Variants in TYW1B observed in about 807,000 individuals in gnomAD.
TYW1B encodes S-adenosyl-L-methionine-dependent tRNA 4-demethylwyosine synthase TYW1B.
A neutral mutation model predicts 86.9 loss-of-function variants in TYW1B; 73 were observed. The observed-to-expected ratio is 0.84, with a 90% confidence interval of 0.70 to 1.02. The LOEUF (loss-of-function observed/expected upper bound fraction) is 1.02. TYW1B is among the 50% of genes least tolerant of loss of function. The pLI is 0.00. For synonymous variants in TYW1B, 248 were observed against 292.8 expected (o/e 0.85, Z 1.56); for missense variants, 637 against 827.4 (o/e 0.77, Z 2.82).
chr7:72,824,153 G>A (rs1482711689), intron 2 of TYW1B, among the ~76,000 whole-genome samples: 1 of 152,024 alleles, frequency 6.6e-6, no homozygotes, highest in Admixed American at 6.6e-5. Flanking sequence ...CTGCACTCAA[G>A]TAGTGAAAAC....
intron 11 of TYW1B, among the ~76,000 whole-genome samples, chr7:72,640,676 T>C (rs1273923438): frequency 5.3e-5 from 8 of 152,228 alleles, no homozygotes; most frequent in Non-Finnish European, 1.2e-4. Flanking sequence ...AGCATCAATA[T>C]GAAGTAACAA....
chr7:72,806,020 G>C (rs549848596), intron 5 of TYW1B, among the ~76,000 whole-genome samples: 1 of 152,016 alleles, frequency 6.6e-6, no homozygotes, highest in Non-Finnish European at 1.5e-5. Flanking sequence ...GGGAAAAAGC[G>C]GAATCTAGGA....
chr7:72,758,522 T>C (rs191276385), intron 7 of TYW1B, among the ~76,000 whole-genome samples: 8 of 152,206 alleles, frequency 5.3e-5, no homozygotes, highest in Non-Finnish European at 7.4e-5. Context: ...GTGTCAGAAA[T>C]GGGACCTGAA....
At chr7:72,710,059 C>G (rs35808409) in intron 10 of TYW1B, among the ~76,000 whole-genome samples, 18 of 152,176 alleles carry the variant, frequency 1.2e-4, no homozygotes, top group Non-Finnish European at 2.5e-4. Context: ...CGGCATTTTG[C>G]TGGACGTTTT....
At chr7:72,581,250 C>T (rs1219674944) in intron 13 of TYW1B, among the ~76,000 whole-genome samples, 1 of 135,974 alleles carries the variant, frequency 7.4e-6, no homozygotes, top group African/African-American at 2.8e-5. Flanking sequence ...GAGAGCAGGG[C>T]TGCCATAATA....
At position 72,647,877 on chromosome 7, in the gene TYW1B, T is replaced by C. The variant is rs1442962790; in HGVS notation, c.1507-18880A>G. Among the ~76,000 whole-genome samples the C allele has an allele frequency of 5.3e-5, 8 of 152,006 alleles. No individual in the cohort carries two copies. In the East Asian group the frequency reaches 1.6e-3, roughly 29 times the overall value. ...TTTTTTTTGTATTTTTTAGTAGAGA[T>C]GTTTCGCTATGTTGCCCAGGCTTGT... On this transcript the variant is annotated intron_variant, in intron 11 of 13. Transcript: ENST00000620995.
At chr7:72,611,867 G>A (rs1261333518) in intron 13 of TYW1B, among the ~76,000 whole-genome samples, 3 of 152,228 alleles carry the variant, frequency 2.0e-5, no homozygotes, top group East Asian at 3.9e-4. Flanking sequence ...ATTTTCAGTC[G>A]TTTTCCCCAC....
At chr7:72,715,036 C>A (rs1786752162) in intron 9 of TYW1B, among the ~76,000 whole-genome samples, 1 of 152,144 alleles carries the variant, frequency 6.6e-6, no homozygotes, top group Admixed American at 6.6e-5. Context: ...TTATGTATAG[C>A]CAAGGCTAAA....
At chr7:72,733,724 C>T (rs1484230983) in intron 8 of TYW1B, among the ~76,000 whole-genome samples, 2 of 152,062 alleles carry the variant, frequency 1.3e-5, no homozygotes, top group Non-Finnish European at 2.9e-5. Flanking sequence ...GAAGAGAGCA[C>T]ACACACAAAA....
intron 13 of TYW1B, among the ~76,000 whole-genome samples, chr7:72,595,967 G>A (rs531808077): frequency 3.7e-4 from 56 of 151,954 alleles, no homozygotes; most frequent in African/African-American, 1.3e-3. Flanking sequence ...CCTAAGGTCA[G>A]GAGTTCGAGA....
chr7:72,679,593 G>A (rs1249666066), intron 11 of TYW1B, among the ~76,000 whole-genome samples: 4 of 152,306 alleles, frequency 2.6e-5, no homozygotes, highest in South Asian at 2.1e-4. Context: ...ACAATGGGGA[G>A]ATGAAACAGC....
chr7:72,822,798 C>T (rs1392002461), intron 2 of TYW1B: 1 of 152,224 alleles, frequency 6.6e-6, no homozygotes, highest in African/African-American at 2.4e-5. Flanking sequence ...CAAGACCAGC[C>T]TGGGCAACAT....
chr7:72,812,105 G>A (rs1278446012), intron 3 of TYW1B, among the ~76,000 whole-genome samples: 1 of 150,000 alleles, frequency 6.7e-6, no homozygotes, highest in Non-Finnish European at 1.5e-5. Flanking sequence ...TATCCAGAAT[G>A]TTTGGGATGG....
At chr7:72,714,983 C>A (rs1585924189) in intron 9 of TYW1B, among the ~76,000 whole-genome samples, 1 of 152,282 alleles carries the variant, frequency 6.6e-6, no homozygotes, top group East Asian at 1.9e-4. Context: ...AGAGTGGGTG[C>A]AAGGCTGGGC....
intron 7 of TYW1B, among the ~76,000 whole-genome samples, chr7:72,766,934 TA>T (rs1787781365): frequency 6.6e-6 from 1 of 151,638 alleles, no homozygotes. Context: ...CTCAAAAAAA[TA>T]AATAAATAAA....
chr7:72,699,619 C>T (rs1488794903), intron 10 of TYW1B, among the ~76,000 whole-genome samples: 5 of 151,750 alleles, frequency 3.3e-5, no homozygotes, highest in Non-Finnish European at 7.4e-5. Context: ...TAGAATCTGA[C>T]TTACAAAGCT....
chr7:72,763,750 CA>C (rs1463588003), intron 7 of TYW1B, among the ~76,000 whole-genome samples: 1 of 152,120 alleles, frequency 6.6e-6, no homozygotes, highest in Non-Finnish European at 1.5e-5. Context: ...AATCAAAATC[CA>C]AAATTGTTTC....
intron 8 of TYW1B, among the ~76,000 whole-genome samples, chr7:72,733,675 G>GA (rs1343800538): frequency 7.9e-5 from 12 of 151,194 alleles, no homozygotes; most frequent in Admixed American, 7.9e-4. Flanking sequence ...AAATAAGAAA[G>GA]AAAAAAAAGA....
chr7:72,774,282 T>G (rs1468108414), intron 7 of TYW1B, among the ~76,000 whole-genome samples: 1 of 150,716 alleles, frequency 6.6e-6, no homozygotes, highest in African/African-American at 2.4e-5. Context: ...GAAGAATAAT[T>G]AGCCCTATAC....
Sources: allele counts gnomAD v4.1 joint callset (sites outside exome capture counted in the v4.1 genomes callset), GRCh38; gene constraint gnomAD v4.1.1; transcripts MANE v1.5; gene names NCBI Gene and HGNC (gene_info 2026-07-23, HGNC 2026-07-21).